APLF: variants seen among roughly 807,000 people sequenced by gnomAD.
APLF encodes aprataxin and PNK-like factor.
Under a neutral mutation model 55.6 loss-of-function variants are expected in APLF, and 61 were observed. That is an observed-to-expected ratio of 1.10 (90% CI 0.89 to 1.36). The LOEUF (loss-of-function observed/expected upper bound fraction) is 1.36, where lower values mean the gene tolerates loss of function less well. Ranked by LOEUF, APLF falls within the 40% of genes most tolerant of loss-of-function variation. APLF has a pLI of 0.00. For missense variants in APLF, 611 were observed against 602.5 expected (o/e 1.01, Z -0.15); for synonymous variants, 207 against 214.8 (o/e 0.96, Z 0.32).
intron 8 of APLF, among the ~76,000 whole-genome samples, chr2:68,557,415 A>G (rs1481104728): frequency 6.6e-6 from 1 of 152,208 alleles, no homozygotes; most frequent in Non-Finnish European, 1.5e-5. Flanking sequence ...GGCTGACTAT[A>G]TCTGCAGATG....
In APLF at chr2:68,529,947, TGCC is replaced by T. The variant is rs1438188071; in HGVS notation, c.804+3709_804+3711del. 6.6e-6 allele frequency among the ~76,000 whole-genome samples: 1 copy of T among 152,232 alleles called. No homozygotes were observed. The highest frequency in any genetic ancestry group is 2.4e-5 in the African/African-American group (1 of 41,462). ...CCCCGGGGCCTCTCCAGTGCCTCTG[TGCC>T]GCCTGGAGCCAGGCCCGCCTTCTCC... On this transcript the variant is annotated intron_variant, in intron 6 of 9. Coordinates refer to ENST00000303795, the MANE Select transcript of APLF (RefSeq NM_173545.3). This position sits in a 1 kb window ranked among gnomAD's most constrained non-coding sequence, Gnocchi z 4.4.
intron 3 of APLF, among the ~76,000 whole-genome samples, chr2:68,506,366 G>C (rs761592729): frequency 1.1e-4 from 16 of 151,478 alleles, no homozygotes; most frequent in Admixed American, 3.3e-4. Context: ...AGAGTCCACT[G>C]TCTGCTAGCA....
At chr2:68,474,206 T>G (rs1675703871) in intron 1 of APLF, among the ~76,000 whole-genome samples, 1 of 152,260 alleles carries the variant, frequency 6.6e-6, no homozygotes, top group South Asian at 2.1e-4. Context: ...TGTTCACCTG[T>G]TTGGAAGCTT....
At chr2:68,562,454 A>G (rs1267910987) in intron 8 of APLF, among the ~76,000 whole-genome samples, 2 of 152,060 alleles carry the variant, frequency 1.3e-5, no homozygotes, top group African/African-American at 2.4e-5. Context: ...CATGCCCTCC[A>G]GCCGCTGATT....
At chr2:68,535,687 A>G (rs956604953) in intron 6 of APLF, among the ~76,000 whole-genome samples, 3 of 151,818 alleles carry the variant, frequency 2.0e-5, no homozygotes, top group Non-Finnish European at 4.4e-5. Flanking sequence ...AAAGCTGGGA[A>G]TAGAAGTACT....
intron 6 of APLF, among the ~76,000 whole-genome samples, chr2:68,530,220 A>G (rs1670213894): frequency 6.6e-6 from 1 of 152,250 alleles, no homozygotes; most frequent in South Asian, 2.1e-4. Flanking sequence ...CCTCATGATC[A>G]TGGATACAGC....
At chr2:68,532,166 G>T (rs1670277065) in intron 6 of APLF, among the ~76,000 whole-genome samples, 2 of 152,168 alleles carry the variant, frequency 1.3e-5, no homozygotes, top group Non-Finnish European at 2.9e-5. Flanking sequence ...TAGTCCTAAA[G>T]GGATAGCTGT....
intron 5 of APLF, among the ~76,000 whole-genome samples, chr2:68,519,363 G>T (rs1225314113): frequency 6.8e-6 from 1 of 147,184 alleles, no homozygotes; most frequent in Admixed American, 6.9e-5. Context: ...ATTTTAAGTG[G>T]TACATCTACC....
At chr2:68,468,989 GGTGTGT>G (rs34695552) in intron 1 of APLF, among the ~76,000 whole-genome samples, 2,641 of 146,738 alleles carry the variant, frequency 0.018, 22 homozygotes, top group Non-Finnish European at 0.024. Flanking sequence ...GTCCTAAAGG[GGTGTGT>G]GTGTGTGTGT....
At chr2:68,530,474 G>T (rs1670223961) in intron 6 of APLF, among the ~76,000 whole-genome samples, 1 of 152,124 alleles carries the variant, frequency 6.6e-6, no homozygotes, top group South Asian at 2.1e-4. Flanking sequence ...TGATGGGAAG[G>T]ATCCAAGTAT....
At chr2:68,518,124 AAT>A (rs1376944899) in intron 5 of APLF, among the ~76,000 whole-genome samples, 3 of 128,800 alleles carry the variant, frequency 2.3e-5, no homozygotes, top group South Asian at 2.3e-4. Flanking sequence ...ATACAATATT[AAT>A]ATATATTAAT....
At chr2:68,507,877 A>G (rs1388320938) in intron 3 of APLF, among the ~76,000 whole-genome samples, 1 of 151,856 alleles carries the variant, frequency 6.6e-6, no homozygotes, top group East Asian at 1.9e-4. Context: ...GTTATACTGA[A>G]TTACTTTTTT....
chr2:68,499,157 A>AT (rs528480017), intron 2 of APLF, among the ~76,000 whole-genome samples: 432 of 152,244 alleles, frequency 2.8e-3, no homozygotes, highest in Middle Eastern at 0.01. Context: ...TTTTAGTTTC[A>AT]TTTTTTGCAG....
intron 5 of APLF, among the ~76,000 whole-genome samples, chr2:68,518,418 ATAATAATT>A (rs1351333711): frequency 1.8e-5 from 2 of 112,160 alleles, no homozygotes; most frequent in African/African-American, 7.4e-5. Flanking sequence ...TATATATTAT[ATAATAATT>A]TATTATATAA....
chr2:68,500,964 A>G (rs189185851), intron 2 of APLF, among the ~76,000 whole-genome samples: 81 of 152,298 alleles, frequency 5.3e-4, no homozygotes, highest in Non-Finnish European at 5.3e-4. Flanking sequence ...ATTTCTAAAC[A>G]TTGTTTAAAT....
chr2:68,518,736 G>T (rs182492401), intron 5 of APLF, among the ~76,000 whole-genome samples: 121 of 109,934 alleles, frequency 1.1e-3, no homozygotes, highest in African/African-American at 4.2e-3. Flanking sequence ...AATATATCAT[G>T]AATATATCAT....
At chr2:68,515,181 G>A (rs1669544091) in intron 5 of APLF, among the ~76,000 whole-genome samples, 2 of 151,592 alleles carry the variant, frequency 1.3e-5, no homozygotes, top group East Asian at 1.9e-4. Flanking sequence ...GTGTTAAGGG[G>A]CATGTGGTTT....
At chr2:68,535,476 C>A in intron 6 of APLF, 1 of 202,454 alleles carries the variant, frequency 4.9e-6, no homozygotes, top group South Asian at 8.7e-5. Context: ...TAAATGGTAC[C>A]AAGTATGGAT....
intron 1 of APLF, among the ~76,000 whole-genome samples, chr2:68,489,502 C>G (rs1573164989): frequency 6.6e-6 from 1 of 152,304 alleles, no homozygotes; most frequent in East Asian, 1.9e-4. Flanking sequence ...AACATGCAAA[C>G]AATTTTTGAA....
Sources: gnomAD v4.1 joint callset for allele counts (sites outside exome capture counted in the v4.1 genomes callset) on GRCh38, gnomAD v4.1.1 for gene constraint, Gnocchi (gnomAD v3.1) non-coding constraint, MANE v1.5 for transcripts, NCBI Gene and HGNC (gene_info 2026-07-23, HGNC 2026-07-21) for gene names.